Variants in PPM1H observed in about 807,000 individuals in gnomAD.
PPM1H encodes the protein protein phosphatase, Mg2+/Mn2+ dependent 1H.
PPM1H carries 27 observed loss-of-function variants against 54.9 expected under a neutral mutation model. The ratio of observed to expected loss-of-function variants is 0.49; its 90% CI spans 0.36 to 0.68. The LOEUF is 0.68. Ranked by LOEUF, PPM1H falls within the 30% of genes least tolerant of loss-of-function variation. PPM1H has a pLI of 0.00. For missense variants in PPM1H, 596 were observed against 667.8 expected (o/e 0.89, Z 1.19); for synonymous variants, 305 against 270.8 (o/e 1.13, Z -1.24).
At position 62,764,725 on chromosome 12, in the gene PPM1H, T is replaced by C. The variant is rs544659762; in HGVS notation, c.869+23501A>G. On this transcript the variant is annotated intron_variant, in intron 4 of 9. Transcript: ENST00000228705. Reference sequence around the variant, plus strand: ...TTTCTGCTGCACAGAGCTCACAATATAGGGAGGAGCCGTGATCCATCTGTG... The same window carrying C: ...TTTCTGCTGCACAGAGCTCACAATACAGGGAGGAGCCGTGATCCATCTGTG... Among the ~76,000 whole-genome samples the C allele has an allele frequency of 2.6e-5, 4 of 152,090 alleles. No homozygotes were observed. In the East Asian group the frequency reaches 5.8e-4, roughly 22 times the overall value.
chr12:62,844,293 G>A lies in PPM1H; in HGVS notation c.246-12014C>T, dbSNP rs1868871402. Among the ~76,000 whole-genome samples the A allele has an allele frequency of 6.6e-6, 1 of 152,146 alleles. No homozygotes were observed. The highest frequency in any genetic ancestry group is 1.5e-5 in the Non-Finnish European group (1 of 68,040). On this transcript the variant is annotated intron_variant, in intron 1 of 9. Transcript: ENST00000228705. The surrounding 1 kb of genome is among the most constrained non-coding windows in gnomAD (Gnocchi z 5.2). ...CAAAGCCAGTATGTAACATTACAGT[G>A]ATTTGCTTAGTATGGATTACTACAT... is the stretch of plus-strand genomic sequence containing the variant.
chr12:62,746,319 C>T (rs992707666), intron 4 of PPM1H, among the ~76,000 whole-genome samples: 4 of 152,282 alleles, frequency 2.6e-5, no homozygotes, highest in Admixed American at 6.5e-5. Flanking sequence ...GAAACTATGC[C>T]CACAGGCTCT....
intron 4 of PPM1H, among the ~76,000 whole-genome samples, chr12:62,764,603 T>A (rs1384567990): frequency 6.6e-6 from 1 of 151,862 alleles, no homozygotes; most frequent in Admixed American, 6.6e-5. Context: ...CCCATTTTGT[T>A]TTTTTTTTCT....
intron 5 of PPM1H, among the ~76,000 whole-genome samples, chr12:62,733,708 A>G (rs527560391): frequency 2.6e-5 from 4 of 152,314 alleles, no homozygotes; most frequent in African/African-American, 7.2e-5. Context: ...CTGAGGAGAA[A>G]TGTTTTTAGT....
At chr12:62,710,537 T>TAAAAA (rs35445574) in intron 6 of PPM1H, among the ~76,000 whole-genome samples, 2 of 130,232 alleles carry the variant, frequency 1.5e-5, no homozygotes, top group African/African-American at 5.8e-5. Context: ...ACTGTCTCTT[T>TAAAAA]AAAAAAAAAA....
At chr12:62,855,023 C>T (rs1340207523) in intron 1 of PPM1H, among the ~76,000 whole-genome samples, 3 of 152,032 alleles carry the variant, frequency 2.0e-5, no homozygotes, top group African/African-American at 7.2e-5. Context: ...AGCCACTTTC[C>T]AGAGTCAAAC....
intron 6 of PPM1H, among the ~76,000 whole-genome samples, chr12:62,704,371 A>G (rs138343435): frequency 1.6e-3 from 243 of 152,244 alleles, no homozygotes; most frequent in Middle Eastern, 6.8e-3. Context: ...GTATGTATAA[A>G]TCTAGTTTTG....
At chr12:62,792,253 G>A (rs1031155297) in intron 3 of PPM1H, among the ~76,000 whole-genome samples, 16 of 152,238 alleles carry the variant, frequency 1.1e-4, no homozygotes, top group Admixed American at 3.3e-4. Context: ...AACTTTGGGG[G>A]AAACATTCCA....
chr12:62,858,310 A>T (rs1869468605), intron 1 of PPM1H, among the ~76,000 whole-genome samples: 1 of 152,096 alleles, frequency 6.6e-6, no homozygotes, highest in Non-Finnish European at 1.5e-5. Context: ...GGTACAAATA[A>T]TTATATTATG....
At chr12:62,870,963 G>T (rs776250482) in intron 1 of PPM1H, among the ~76,000 whole-genome samples, 6 of 152,184 alleles carry the variant, frequency 3.9e-5, no homozygotes, top group Admixed American at 6.5e-5. Context: ...ACTGGTGGTG[G>T]GAAGGTAAAA....
chr12:62,896,748 G>A (rs1303587146), intron 1 of PPM1H, among the ~76,000 whole-genome samples: 9 of 152,208 alleles, frequency 5.9e-5, no homozygotes, highest in Non-Finnish European at 1.0e-4. Flanking sequence ...TCCCATTACC[G>A]GGTATATACC....
chr12:62,798,995 C>T (rs1163497501), intron 3 of PPM1H, among the ~76,000 whole-genome samples: 1 of 152,156 alleles, frequency 6.6e-6, no homozygotes, highest in South Asian at 2.1e-4. Context: ...TGTTTAACAC[C>T]CTTCTTTGCC....
intron 3 of PPM1H, among the ~76,000 whole-genome samples, chr12:62,797,342 A>G (rs936341483): frequency 6.6e-6 from 1 of 152,170 alleles, no homozygotes; most frequent in African/African-American, 2.4e-5. Flanking sequence ...TTAAAAGTGG[A>G]AGAGAAGGCA....
chr12:62,801,920 C>G lies in PPM1H; in HGVS notation c.652G>C (p.Ala218Pro). The change falls in exon 3 of 10, where the codon GCC (alanine) becomes CCC (proline). Residue 218 changes from alanine (A) to proline (P), a missense_variant. Transcript: ENST00000228705. ...RAASLRGGVG[A>P]PGSPSTPPTR... ...GGGGGCGTGCTGGGGGAGCCCGGGG[C>G]CCCCACCCCTCCGCGCAGGGAGGCT... 1 of 1,613,280 alleles carries G rather than the reference C, an allele frequency of 6.2e-7. No individual in the cohort carries two copies. Among genetic ancestry groups the G allele is most frequent in the Non-Finnish European group, 8.5e-7 (1 of 1,179,592 alleles).
At chr12:62,824,602 C>A (rs1406323928) in intron 2 of PPM1H, among the ~76,000 whole-genome samples, 5 of 152,196 alleles carry the variant, frequency 3.3e-5, no homozygotes, top group African/African-American at 1.2e-4. Context: ...CAACACACAT[C>A]TACAACCATC....
In PPM1H at chr12:62,706,063, T is replaced by G. The variant is rs117038600; in HGVS notation, c.1074-12064A>C. Among the ~76,000 whole-genome samples, 61 of 152,358 alleles carry G rather than the reference T, an allele frequency of 4.0e-4. 1 individual carries two copies. In the East Asian group the frequency reaches 0.01, roughly 26 times the overall value. Reference sequence around the variant, plus strand: ...GCAGTGTCCCCTGGGAGAAGCCACATGCAGGGACTTTAACCTATGCTACAT... The same window carrying G: ...GCAGTGTCCCCTGGGAGAAGCCACAGGCAGGGACTTTAACCTATGCTACAT... On this transcript the variant is annotated intron_variant, in intron 6 of 9. Coordinates refer to ENST00000228705, the MANE Select transcript of PPM1H (RefSeq NM_020700.2).
rs749254766 is a variant in PPM1H at position 62,934,781 on chromosome 12, G to C, written c.-45C>G. The C allele has an allele frequency of 4.2e-6, 6 of 1,444,104 alleles. No individual in the cohort carries two copies. The highest frequency in any genetic ancestry group is 1.8e-6 in the Non-Finnish European group (2 of 1,095,272). The allele number at this position is 1,444,104 out of a possible 1,614,324, so 89.5% of individuals were successfully genotyped here. On this transcript the variant is annotated 5_prime_UTR_variant, in exon 1 of 10. Transcript: ENST00000228705. The surrounding 1 kb of genome is among the most constrained non-coding windows in gnomAD (Gnocchi z 4.2). Reference sequence around the variant, plus strand: ...GCAGCGGTGCGAGCAGGAGGCGGCGGGGGCCGGGCAAGGCGCAGCGCGGGG... The same window carrying C: ...GCAGCGGTGCGAGCAGGAGGCGGCGCGGGCCGGGCAAGGCGCAGCGCGGGG...
intron 1 of PPM1H, among the ~76,000 whole-genome samples, chr12:62,836,288 A>G (rs1360856242): frequency 1.3e-5 from 2 of 152,244 alleles, no homozygotes; most frequent in African/African-American, 2.4e-5. Flanking sequence ...AACAAAAACT[A>G]TCTCCCTAGA....
chr12:62,809,891 G>A (rs1247349313), intron 2 of PPM1H, among the ~76,000 whole-genome samples: 3 of 151,890 alleles, frequency 2.0e-5, no homozygotes, highest in African/African-American at 4.8e-5. Context: ...TTTCTTCTGC[G>A]TGAAACACTG....
Sources: gnomAD v4.1 joint callset for allele counts (sites outside exome capture counted in the v4.1 genomes callset) on GRCh38, gnomAD v4.1.1 for gene constraint, Gnocchi (gnomAD v3.1) non-coding constraint, MANE v1.5 for transcripts, NCBI Gene and HGNC (gene_info 2026-07-23, HGNC 2026-07-21) for gene names.